Variants in MVB12B observed in about 807,000 individuals in gnomAD.
MVB12B encodes the protein ESCRT-I complex subunit MVB12B.
In MVB12B, 16 loss-of-function variants were observed where a neutral mutation model predicts 41.6. The observed-to-expected ratio is 0.38, with a 90% CI of 0.26 to 0.58. The LOEUF (loss-of-function observed/expected upper bound fraction) is 0.58. Among genes scored for constraint, MVB12B ranks in the 20% least tolerant of loss-of-function variants. MVB12B has a pLI of 0.62. For synonymous variants in MVB12B, 133 were observed against 139.7 expected, an observed-to-expected ratio of 0.95 and a Z score of 0.34; for missense variants, 274 against 380.2, an observed-to-expected ratio of 0.72 and a Z score of 2.32.
intron 2 of MVB12B, among the ~76,000 whole-genome samples, chr9:126,377,915 G>T (rs568704858): frequency 6.6e-6 from 1 of 152,182 alleles, no homozygotes; most frequent in Admixed American, 6.5e-5. Context: ...AAACATTCGC[G>T]CTGTCTTTGG....
chr9:126,367,791 C>T lies in MVB12B; in HGVS notation c.205-13273C>T, dbSNP rs1830222750. ...AGTAAGAAAGCAAAGCCTCTGAGAG[C>T]TCAAGGGTGTGGCTGAGTGGAGGTC... On this transcript the variant is annotated intron_variant, in intron 2 of 9. Coordinates refer to ENST00000361171, the MANE Select transcript of MVB12B (RefSeq NM_033446.3). The surrounding 1 kb of genome is among the most constrained non-coding windows in gnomAD (Gnocchi z 4.3). 1.3e-5 allele frequency among the ~76,000 whole-genome samples: 2 copies of T among 152,184 alleles called. No homozygotes were observed. The highest frequency in any genetic ancestry group is 4.1e-4 in the South Asian group (2 of 4,832).
chr9:126,371,206 T>C (rs1245555413), intron 2 of MVB12B, among the ~76,000 whole-genome samples: 1 of 152,220 alleles, frequency 6.6e-6, no homozygotes, highest in Admixed American at 6.5e-5. Context: ...TCTAGGCTGC[T>C]GATGCTGCTC....
chr9:126,402,274 A>G (rs1412105675), intron 6 of MVB12B, among the ~76,000 whole-genome samples: 3 of 152,270 alleles, frequency 2.0e-5, no homozygotes, highest in African/African-American at 7.2e-5. Context: ...CTCCACTTCC[A>G]TAGTGGCAAG....
intron 2 of MVB12B, among the ~76,000 whole-genome samples, chr9:126,364,565 C>T (rs951869848): frequency 6.6e-6 from 1 of 152,208 alleles, no homozygotes; most frequent in Non-Finnish European, 1.5e-5. Flanking sequence ...CTAATCACAT[C>T]CTGCTAGTGC....
chr9:126,446,936 T>C (rs1268250332), intron 7 of MVB12B, among the ~76,000 whole-genome samples: 1 of 107,228 alleles, frequency 9.3e-6, no homozygotes, highest in Non-Finnish European at 1.8e-5. Flanking sequence ...TTTTTTAACT[T>C]TCTTTTTTTT....
At chr9:126,362,498 G>A (rs948702070) in intron 2 of MVB12B, among the ~76,000 whole-genome samples, 5 of 152,118 alleles carry the variant, frequency 3.3e-5, no homozygotes, top group African/African-American at 9.7e-5. Flanking sequence ...AGAAGATGAT[G>A]TGTAGCTCTT....
intron 7 of MVB12B, among the ~76,000 whole-genome samples, chr9:126,428,490 G>A (rs1044977456): frequency 4.6e-5 from 7 of 151,642 alleles, no homozygotes; most frequent in Admixed American, 6.6e-5. Flanking sequence ...CATGATTTCT[G>A]TCTCTTAATT....
chr9:126,378,650 C>T (rs1210299054), intron 2 of MVB12B, among the ~76,000 whole-genome samples: 3 of 151,886 alleles, frequency 2.0e-5, no homozygotes, highest in Non-Finnish European at 1.5e-5. Context: ...CTCTCTCTCT[C>T]TCTTTCTTTC....
chr9:126,343,651 C>T (rs900487394), intron 2 of MVB12B, among the ~76,000 whole-genome samples: 1 of 152,230 alleles, frequency 6.6e-6, no homozygotes, highest in Non-Finnish European at 1.5e-5. Flanking sequence ...CATGGTGGCT[C>T]ATTCCTGTAA....
Position 126,473,145 on chromosome 9 carries a change from G to A in MVB12B, c.758-8224G>A, listed in dbSNP as rs1207314349. Among the ~76,000 whole-genome samples, 6 of 152,226 alleles carry A rather than the reference G, an allele frequency of 3.9e-5. No homozygotes were observed. Among genetic ancestry groups the A allele is most frequent in the African/African-American group, 1.4e-4 (6 of 41,520 alleles). On this transcript the variant is annotated intron_variant, in intron 7 of 9. Transcript: ENST00000361171. The surrounding 1 kb of genome is among the most constrained non-coding windows in gnomAD (Gnocchi z 4.0). ...TTTTTCTTCACCCTCACCACAGCCC[G>A]CAGAGGCAGCTGTAGTATTATGCCC...
chr9:126,419,318 C>T lies in MVB12B; in HGVS notation c.663-2536C>T, dbSNP rs79059130. On this transcript the variant is annotated intron_variant, in intron 6 of 9. Transcript: ENST00000361171. Reference sequence around the variant, plus strand: ...ATAGTGAGTGCAGTTATAGCACCTACCCTGGATCCTTTTAGTCACACACAC... The same window carrying T: ...ATAGTGAGTGCAGTTATAGCACCTATCCTGGATCCTTTTAGTCACACACAC... Among the ~76,000 whole-genome samples the T allele has an allele frequency of 5.3e-3, 800 of 152,290 alleles. 8 individuals carry two copies. Among genetic ancestry groups the T allele is most frequent in the African/African-American group, 0.018 (761 of 41,560 alleles).
chr9:126,501,861 C>T (rs887412850), intron 9 of MVB12B, among the ~76,000 whole-genome samples: 4 of 152,090 alleles, frequency 2.6e-5, no homozygotes, highest in African/African-American at 7.2e-5. Context: ...CCTGGAAAGC[C>T]GCCTGCTGGT....
At chr9:126,405,959 GAGAT>G (rs1831408396) in intron 6 of MVB12B, among the ~76,000 whole-genome samples, 1 of 151,130 alleles carries the variant, frequency 6.6e-6, no homozygotes, top group Non-Finnish European at 1.5e-5. Context: ...TACACACACA[GAGAT>G]AGATATATAT....
chr9:126,502,144 A>G (rs1482750351), intron 9 of MVB12B, among the ~76,000 whole-genome samples: 4 of 152,084 alleles, frequency 2.6e-5, no homozygotes, highest in Non-Finnish European at 5.9e-5. Flanking sequence ...CCACTGATCT[A>G]ATCTAAGCTC....
intron 2 of MVB12B, among the ~76,000 whole-genome samples, chr9:126,360,701 A>G (rs1830007128): frequency 6.6e-6 from 1 of 152,172 alleles, no homozygotes; most frequent in South Asian, 2.1e-4. Context: ...ATAATTGTGG[A>G]TGAGTCTATT....
Position 126,335,462 on chromosome 9 carries a change from C to T in MVB12B, c.82-5046C>T, listed in dbSNP as rs907282825. The T allele has an allele frequency of 1.3e-5, 16 of 1,228,814 alleles. No homozygotes were observed. In the African/African-American group the frequency reaches 1.9e-4, roughly 14 times the overall value. The allele number at this position is 1,228,814 out of a possible 1,614,324, so 76.1% of individuals were successfully genotyped here. ...TGGCTGGGTTTGTGTGTGTGGTGTGCATTGGTGAGGCCTGGCCACAGGTTC... is the reference window on the plus strand; with the variant it reads ...TGGCTGGGTTTGTGTGTGTGGTGTGTATTGGTGAGGCCTGGCCACAGGTTC... On this transcript the variant is annotated intron_variant, in intron 1 of 9. Coordinates refer to ENST00000361171, the MANE Select transcript of MVB12B (RefSeq NM_033446.3).
At chr9:126,362,118 G>C (rs1365085543) in intron 2 of MVB12B, among the ~76,000 whole-genome samples, 2 of 151,976 alleles carry the variant, frequency 1.3e-5, no homozygotes, top group South Asian at 2.1e-4. Flanking sequence ...TCTGCTCAAG[G>C]CTCATTGATC....
At chr9:126,378,556 C>G (rs1003950389) in intron 2 of MVB12B, among the ~76,000 whole-genome samples, 2 of 152,120 alleles carry the variant, frequency 1.3e-5, no homozygotes, top group African/African-American at 4.8e-5. Context: ...TTCCAGAGCC[C>G]TTCTCTGCCC....
chr9:126,402,826 A>G (rs1053499935), intron 6 of MVB12B, among the ~76,000 whole-genome samples: 3 of 152,212 alleles, frequency 2.0e-5, no homozygotes, highest in Non-Finnish European at 4.4e-5. Flanking sequence ...TTTTACCTCT[A>G]AAGACAGAAC....
Sources: gnomAD v4.1 joint callset for allele counts (sites outside exome capture counted in the v4.1 genomes callset) on GRCh38, gnomAD v4.1.1 for gene constraint, Gnocchi (gnomAD v3.1) non-coding constraint, MANE v1.5 for transcripts, NCBI Gene and HGNC (gene_info 2026-07-23, HGNC 2026-07-21) for gene names.